The following SLC19A1 variants were observed in gnomAD, a reference collection of about 807,000 sequenced individuals.
The protein encoded by SLC19A1 is solute carrier family 19 member 1.
In SLC19A1, 37 loss-of-function variants were observed where a neutral mutation model predicts 35.3. The ratio of observed to expected loss-of-function variants is 1.05; its 90% CI spans 0.81 to 1.38. The LOEUF (loss-of-function observed/expected upper bound fraction) is 1.38, where lower values mean the gene tolerates loss of function less well. Ranked by LOEUF, SLC19A1 falls within the 40% of genes most tolerant of loss-of-function variation. SLC19A1 has a pLI of 0.00. For missense variants in SLC19A1, 831 were observed against 826.9 expected, an observed-to-expected ratio of 1.00 and a Z score of -0.06; for synonymous variants, 460 against 398.5, an observed-to-expected ratio of 1.15 and a Z score of -1.84.
intron 2 of SLC19A1, among the ~76,000 whole-genome samples, chr21:45,535,399 C>T (rs1022046338): frequency 2.0e-5 from 3 of 152,222 alleles, no homozygotes; most frequent in East Asian, 1.9e-4. Flanking sequence ...CCCAAGGGCA[C>T]GGGGTCCCCA....
rs374483779 is a variant in SLC19A1, at chr21:45,535,988, C to A, written c.189+1783G>T. ...GCCCCCGAAGCTGCTCCCCGCCCAC[C>A]TACTGGTGGCTGCCCCTGCACCCCG... On this transcript the variant is annotated intron_variant, in intron 2 of 5. Coordinates refer to ENST00000311124, the MANE Select transcript of SLC19A1 (RefSeq NM_194255.4). The A allele has an allele frequency of 8.7e-4, 157 of 180,616 alleles. 2 individuals are homozygous for A. In the South Asian group the frequency reaches 0.024, roughly 28 times the overall value. 11.2% of individuals were successfully genotyped at this position (180,616 alleles called of 1,614,324 possible). A position where few individuals can be genotyped will look rare whatever the true frequency, so the allele number is the denominator to read the frequency against.
At chr21:45,506,138 G>C (rs952611620) in intron 3 of SLC19A1, 1 of 1,047,506 alleles carries the variant, frequency 9.5e-7, no homozygotes, top group Admixed American at 2.2e-5. Context: ...TTTGTGAGCA[G>C]TTTTGGGTTT....
intron 1 of SLC19A1, among the ~76,000 whole-genome samples, chr21:45,556,774 C>G (rs1373670337): frequency 6.6e-6 from 1 of 152,124 alleles, no homozygotes; most frequent in African/African-American, 2.4e-5. Flanking sequence ...TGTTCTCTCA[C>G]GTCCTCTGGA....
Position 45,515,256 on chromosome 21 carries a change from C to A in SLC19A1, c.*402G>T. 6.7e-7 allele frequency: 1 copy of A among 1,499,854 alleles called. No homozygotes were observed. Among genetic ancestry groups the A allele is most frequent in the East Asian group, 2.5e-5 (1 of 40,464 alleles). 92.9% of individuals were successfully genotyped at this position (1,499,854 alleles called of 1,614,324 possible). A position where few individuals can be genotyped will look rare whatever the true frequency, so the allele number is the denominator to read the frequency against. On this transcript the variant is annotated 3_prime_UTR_variant, in exon 6 of 6. Transcript: ENST00000311124. ...CTACACCTGAGGGTCCCGGCTCCCA[C>A]CCTGCCCTAGAGGGCTCACAACTCC...
At chr21:45,545,365 G>A (rs2078403156), upstream of SLC19A1, among the ~76,000 whole-genome samples, 1 of 151,882 alleles carries the variant, frequency 6.6e-6, no homozygotes, top group African/African-American at 2.4e-5. Context: ...GTTTAAAAGA[G>A]TCCGGGACCC....
intron 2 of SLC19A1, among the ~76,000 whole-genome samples, chr21:45,537,072 T>C (rs1482567001): frequency 2.0e-5 from 3 of 152,160 alleles, no homozygotes; most frequent in South Asian, 2.1e-4. Context: ...ATAATCTCTT[T>C]AGGTAAATAG....
At chr21:45,553,070 C>T (rs1411818346) in intron 1 of SLC19A1, among the ~76,000 whole-genome samples, 2 of 152,114 alleles carry the variant, frequency 1.3e-5, no homozygotes, top group Non-Finnish European at 2.9e-5. Flanking sequence ...CACCGGGCGG[C>T]AGGTGGCCAG....
At position 45,534,791 on chromosome 21, in the gene SLC19A1, G is replaced by A. The variant is rs2078053163; in HGVS notation, c.190-2643C>T. The A allele has an allele frequency of 1.7e-6, 1 of 584,632 alleles. No individual in the cohort carries two copies. The highest frequency in any genetic ancestry group is 3.0e-6 in the Non-Finnish European group (1 of 329,518). The allele number at this position is 584,632 out of a possible 1,614,324, so 36.2% of individuals were successfully genotyped here. A position where few individuals can be genotyped will look rare whatever the true frequency, so the allele number is the denominator to read the frequency against. ...TGACCTGCGTCCCACTTACAAGGCT[G>A]CTGGGGGAGGGGCCCTCACAACGGT... On this transcript the variant is annotated intron_variant, in intron 2 of 5. Coordinates refer to ENST00000311124, the MANE Select transcript of SLC19A1 (RefSeq NM_194255.4). This position sits in a 1 kb window ranked among gnomAD's most constrained non-coding sequence, Gnocchi z 4.2.
upstream of SLC19A1, among the ~76,000 whole-genome samples, chr21:45,548,679 G>A (rs2078436652): frequency 1.3e-5 from 2 of 152,160 alleles, no homozygotes; most frequent in South Asian, 4.1e-4. Context: ...GGGAGGTGGA[G>A]GTTGCAATGA....
chr21:45,511,097 G>A (rs777667999), downstream of SLC19A1: 91 of 1,267,336 alleles, frequency 7.2e-5, no homozygotes, highest in Admixed American at 1.1e-4. Flanking sequence ...ACATACACAC[G>A]GTTTCTCTTC....
At chr21:45,508,437 G>GGACA (rs1338954686), downstream of SLC19A1, among the ~76,000 whole-genome samples, 20 of 147,688 alleles carry the variant, frequency 1.4e-4, no homozygotes, top group African/African-American at 5.0e-4. Context: ...GATGGATGGT[G>GGACA]GGTAAGTGGG....
chr21:45,524,812 C>T (rs2077550318), intron 5 of SLC19A1, among the ~76,000 whole-genome samples: 1 of 147,040 alleles, frequency 6.8e-6, no homozygotes, highest in South Asian at 2.2e-4. Context: ...GGAGGCTCAC[C>T]TGCCCTGAGT....
chr21:45,512,495 C>A, downstream of SLC19A1: 2 of 1,136,052 alleles, frequency 1.8e-6, no homozygotes, highest in Non-Finnish European at 2.6e-6. Flanking sequence ...GCCCCAGGAC[C>A]TGGCTGCCAT....
At chr21:45,557,268 G>A (rs1230476414) in intron 1 of SLC19A1, among the ~76,000 whole-genome samples, 4 of 152,200 alleles carry the variant, frequency 2.6e-5, no homozygotes, top group East Asian at 1.9e-4. Context: ...ACAGCGGCCC[G>A]GGAGATGGGT....
intron 1 of SLC19A1, 122 bp downstream of exon 1, chr21:45,542,246 G>T (rs1330516936): frequency 2.1e-5 from 3 of 145,954 alleles, no homozygotes; most frequent in Non-Finnish European, 4.5e-5. Context: ...CCCAGCGCCA[G>T]CCCCCACACT....
downstream of SLC19A1, chr21:45,510,226 G>A (rs886057133): frequency 1.2e-6 from 2 of 1,606,416 alleles, no homozygotes; most frequent in Non-Finnish European, 1.7e-6. Context: ...CGTGCGCCGT[G>A]CCGACCGCGC....
chr21:45,509,207 C>A, downstream of SLC19A1: 3 of 1,099,746 alleles, frequency 2.7e-6, no homozygotes, highest in Non-Finnish European at 3.8e-6. Context: ...CTGCCTACAC[C>A]CCCAGGGCAG....
At chr21:45,506,360 G>A (rs959108683) in intron 3 of SLC19A1, 3 of 353,836 alleles carry the variant, frequency 8.5e-6, no homozygotes, top group Non-Finnish European at 1.7e-5. Flanking sequence ...CTGGGGGGCA[G>A]GCTGTCCCGT....
At chr21:45,507,259 G>A in intron 3 of SLC19A1, 1 of 472,996 alleles carries the variant, frequency 2.1e-6, no homozygotes, top group East Asian at 3.9e-5. Context: ...TGCTGGGCAG[G>A]GAGGGCAACC....
Sources: allele counts gnomAD v4.1 joint callset (sites outside exome capture counted in the v4.1 genomes callset), GRCh38; gene constraint gnomAD v4.1.1; non-coding constraint Gnocchi (gnomAD v3.1); transcripts MANE v1.5; gene names NCBI Gene and HGNC (gene_info 2026-07-23, HGNC 2026-07-21).